BCAT1: variants seen among roughly 807,000 people sequenced by gnomAD.
BCAT1 encodes branched chain amino acid transaminase 1, also known as branched-chain-amino-acid aminotransferase, cytosolic.
In BCAT1, 48 loss-of-function variants were observed where a neutral mutation model predicts 52.4. The observed-to-expected ratio is 0.92, with a 90% CI of 0.73 to 1.16. The LOEUF is 1.16. Among genes scored for constraint, BCAT1 ranks in the 50% most tolerant of loss-of-function variants. The pLI, the probability that BCAT1 is intolerant of heterozygous loss-of-function variation, is 0.00. For missense variants in BCAT1, 451 were observed against 457.1 expected (o/e 0.99, Z 0.12); for synonymous variants, 167 against 161.3 (o/e 1.04, Z -0.27).
At chr12:24,862,857 TG>T (rs1672140202) in intron 5 of BCAT1, among the ~76,000 whole-genome samples, 1 of 152,212 alleles carries the variant, frequency 6.6e-6, no homozygotes, top group South Asian at 2.1e-4. Context: ...CCTAACATTT[TG>T]CATTGACTGA....
intron 6 of BCAT1, among the ~76,000 whole-genome samples, chr12:24,847,906 A>T (rs1325984841): frequency 6.6e-6 from 1 of 152,246 alleles, no homozygotes; most frequent in Non-Finnish European, 1.5e-5. Flanking sequence ...ATAATACACA[A>T]AACTAAAGTT....
intron 1 of BCAT1, among the ~76,000 whole-genome samples, chr12:24,943,493 GA>G (rs4031153): frequency 0.011 from 669 of 58,518 alleles, 2 homozygotes; most frequent in Middle Eastern, 0.021. Context: ...ACCCTATCTG[GA>G]AAAAAAAAAA....
At chr12:24,864,075 T>C (rs554153619) in intron 5 of BCAT1, among the ~76,000 whole-genome samples, 5 of 152,350 alleles carry the variant, frequency 3.3e-5, no homozygotes, top group African/African-American at 1.2e-4. Flanking sequence ...GCTGCTTTTG[T>C]ACTATAAAAG....
chr12:24,868,556 C>T (rs1285172986), intron 5 of BCAT1, among the ~76,000 whole-genome samples: 3 of 152,056 alleles, frequency 2.0e-5, no homozygotes, highest in Admixed American at 2.0e-4. Flanking sequence ...ATAGACCACT[C>T]AATAAATGGT....
At chr12:24,920,932 G>A (rs981893253) in intron 1 of BCAT1, among the ~76,000 whole-genome samples, 1 of 152,180 alleles carries the variant, frequency 6.6e-6, no homozygotes, top group Non-Finnish European at 1.5e-5. Context: ...AAAAGCCAAT[G>A]AAGAGATACA....
At chr12:24,875,204 G>C (rs1942297476) in intron 5 of BCAT1, among the ~76,000 whole-genome samples, 1 of 152,120 alleles carries the variant, frequency 6.6e-6, no homozygotes, top group Admixed American at 6.5e-5. Flanking sequence ...ATCAAATGTA[G>C]CCACCACGAA....
chr12:24,819,626 T>C (rs980077126), intron 10 of BCAT1, among the ~76,000 whole-genome samples: 1 of 152,170 alleles, frequency 6.6e-6, no homozygotes, highest in Admixed American at 6.5e-5. Context: ...ACAAGCCCAG[T>C]TCTCTGCCTC....
chr12:24,870,600 A>G (rs1942159305), intron 5 of BCAT1, among the ~76,000 whole-genome samples: 1 of 152,248 alleles, frequency 6.6e-6, no homozygotes, highest in African/African-American at 2.4e-5. Flanking sequence ...TCAGCACAGT[A>G]TCCCTAGACT....
At chr12:24,851,767 G>A (rs910071807) in intron 5 of BCAT1, among the ~76,000 whole-genome samples, 1 of 152,194 alleles carries the variant, frequency 6.6e-6, no homozygotes, top group Non-Finnish European at 1.5e-5. Flanking sequence ...CATTGTTTGG[G>A]AGGAAAAACC....
At chr12:24,854,243 T>C (rs1941599881) in intron 5 of BCAT1, among the ~76,000 whole-genome samples, 1 of 152,240 alleles carries the variant, frequency 6.6e-6, no homozygotes, top group Non-Finnish European at 1.5e-5. Flanking sequence ...AAGAGTACTA[T>C]TAGCCTATGT....
At chr12:24,938,807 C>T (rs952227564) in intron 1 of BCAT1, among the ~76,000 whole-genome samples, 1 of 152,110 alleles carries the variant, frequency 6.6e-6, no homozygotes, top group African/African-American at 2.4e-5. Context: ...TCCACATACA[C>T]AGAACCTTGT....
intron 5 of BCAT1, among the ~76,000 whole-genome samples, chr12:24,867,632 C>T (rs1371614860): frequency 6.6e-6 from 1 of 152,142 alleles, no homozygotes; most frequent in Non-Finnish European, 1.5e-5. Flanking sequence ...ATTTATAAGA[C>T]TATTAAACAA....
At chr12:24,847,979 T>C (rs774112998) in intron 6 of BCAT1, among the ~76,000 whole-genome samples, 1 of 152,226 alleles carries the variant, frequency 6.6e-6, no homozygotes, top group Non-Finnish European at 1.5e-5. Flanking sequence ...TTGTTCCCCT[T>C]GTACCTCTCC....
intron 10 of BCAT1, among the ~76,000 whole-genome samples, chr12:24,826,724 T>C (rs920426541): frequency 1.3e-5 from 2 of 152,182 alleles, no homozygotes; most frequent in Non-Finnish European, 2.9e-5. Flanking sequence ...AATTGCTTTG[T>C]GTAGTATAGT....
chr12:24,834,599 C>T, intron 8 of BCAT1: 1 of 979,438 alleles, frequency 1.0e-6, no homozygotes, highest in Non-Finnish European at 1.2e-6. Flanking sequence ...AATCAAAGCT[C>T]TTGGCAATAT....
At chr12:24,846,891 T>C (rs1316280851) in intron 6 of BCAT1, among the ~76,000 whole-genome samples, 1 of 152,186 alleles carries the variant, frequency 6.6e-6, no homozygotes, top group Non-Finnish European at 1.5e-5. Flanking sequence ...CATTGAGTCA[T>C]CTAAAAACAA....
At chr12:24,892,059 T>TTTTTG (rs3044287) in intron 3 of BCAT1, among the ~76,000 whole-genome samples, 20,865 of 144,432 alleles carry the variant, frequency 0.14, 1,569 homozygotes, top group African/African-American at 0.16. Context: ...GCCTGGCCGT[T>TTTTTG]TTTTGTTTTG....
intron 3 of BCAT1, among the ~76,000 whole-genome samples, chr12:24,882,066 C>T (rs925859916): frequency 2.6e-4 from 40 of 152,146 alleles, no homozygotes; most frequent in Admixed American, 2.2e-3. Flanking sequence ...TTTAACACAG[C>T]TTCTCTAAGT....
At chr12:24,943,318 C>A (rs920490242) in intron 1 of BCAT1, among the ~76,000 whole-genome samples, 6 of 151,760 alleles carry the variant, frequency 4.0e-5, no homozygotes, top group Non-Finnish European at 8.8e-5. Context: ...CATGGAGAAA[C>A]CCCATCTCTA....
Sources: allele counts gnomAD v4.1 joint callset (sites outside exome capture counted in the v4.1 genomes callset), GRCh38; gene constraint gnomAD v4.1.1; transcripts MANE v1.5; gene names NCBI Gene and HGNC (gene_info 2026-07-23, HGNC 2026-07-21).